The following LINGO1 variants were observed in gnomAD, a reference collection of about 807,000 sequenced individuals.
LINGO1 encodes the protein leucine rich repeat and Ig domain containing 1.
Under a neutral mutation model 37.3 loss-of-function variants are expected in LINGO1, and 11 were observed. The observed-to-expected ratio is 0.29, with a 90% CI of 0.19 to 0.49. The LOEUF is 0.49. Ranked by LOEUF, LINGO1 falls within the 20% of genes least tolerant of loss-of-function variation. The probability of loss-of-function intolerance (pLI) is 0.99; values close to 1 mark genes in which losing one functional copy is unlikely to be tolerated. For missense variants in LINGO1, 585 were observed against 878.2 expected, an observed-to-expected ratio of 0.67 and a Z score of 4.22; for synonymous variants, 387 against 403.0, an observed-to-expected ratio of 0.96 and a Z score of 0.48.
At chr15:77,746,242 G>A (rs1297496626) in intron 1 of LINGO1, among the ~76,000 whole-genome samples, 1 of 150,970 alleles carries the variant, frequency 6.6e-6, no homozygotes, top group Non-Finnish European at 1.5e-5. Context: ...ACTGGGGACA[G>A]GATCAATCAG....
At chr15:77,633,990 G>A (rs542474354), upstream of LINGO1, among the ~76,000 whole-genome samples, 1 of 152,222 alleles carries the variant, frequency 6.6e-6, no homozygotes, top group African/African-American at 2.4e-5. Context: ...GCCCGGCACG[G>A]CCATCCCTCC....
intron 1 of LINGO1, among the ~76,000 whole-genome samples, chr15:77,624,135 CTGTG>C (rs1222228291): frequency 1.8e-5 from 2 of 113,420 alleles, no homozygotes; most frequent in East Asian, 2.8e-4. Flanking sequence ...TGTGTGTGGC[CTGTG>C]TGTGTGATGT....
chr15:77,753,299 C>G lies in LINGO1; in HGVS notation c.-256-18246G>C, dbSNP rs561877128. ...CAGAGACCAGGGCTGTAGGTCAGCTCTAAAGCTAAGCTTCCGTGGGCCCTT... is the reference window on the plus strand; with the variant it reads ...CAGAGACCAGGGCTGTAGGTCAGCTGTAAAGCTAAGCTTCCGTGGGCCCTT... On this transcript the variant is annotated intron_variant, in intron 1 of 3. Coordinates refer to the LINGO1 transcript ENST00000561686. 1.7e-3 allele frequency among the ~76,000 whole-genome samples: 261 copies of G among 152,336 alleles called. 1 individual carries two copies. The South Asian group carries it at 0.018, about 11-fold the overall frequency.
chr15:77,690,512 A>G (rs2075585306), intron 2 of LINGO1, among the ~76,000 whole-genome samples: 3 of 152,272 alleles, frequency 2.0e-5, no homozygotes, highest in African/African-American at 7.2e-5. Flanking sequence ...CCTGAAGCCC[A>G]TCTTACCACT....
chr15:77,673,421 C>T (rs548849824), intron 3 of LINGO1, among the ~76,000 whole-genome samples: 36 of 144,046 alleles, frequency 2.5e-4, no homozygotes, highest in African/African-American at 8.2e-4. Flanking sequence ...CCGCCCCAAT[C>T]GCTGAAACTA....
At chr15:77,676,039 C>T (rs541546324) in intron 3 of LINGO1, among the ~76,000 whole-genome samples, 5 of 152,258 alleles carry the variant, frequency 3.3e-5, no homozygotes, top group Non-Finnish European at 5.9e-5. Context: ...TCAGCCTGGG[C>T]TCCGCTGTCA....
chr15:77,687,440 C>T (rs2075531272), intron 2 of LINGO1, among the ~76,000 whole-genome samples: 2 of 152,164 alleles, frequency 1.3e-5, no homozygotes, highest in Admixed American at 1.3e-4. Context: ...TAACCTGTCC[C>T]CCAGGGGCCA....
intron 2 of LINGO1, among the ~76,000 whole-genome samples, chr15:77,794,591 T>TATA (rs1491171570): frequency 0.031 from 876 of 28,572 alleles, 36 homozygotes; most frequent in African/African-American, 0.042. Context: ...TATATATATA[T>TATA]TTTTTTTTTT....
At chr15:77,620,706 C>T (rs1037521696) in intron 1 of LINGO1, among the ~76,000 whole-genome samples, 1 of 152,210 alleles carries the variant, frequency 6.6e-6, no homozygotes, top group Admixed American at 6.5e-5. Context: ...GAGGCTCAGA[C>T]CCAAAACTGC....
intron 2 of LINGO1, among the ~76,000 whole-genome samples, chr15:77,687,836 G>A (rs1028859731): frequency 6.6e-5 from 10 of 152,168 alleles, no homozygotes; most frequent in South Asian, 2.1e-4. Context: ...ACCTCCTCCC[G>A]TCACAGGGCC....
At chr15:77,698,887 A>C (rs1483488001), upstream of LINGO1, among the ~76,000 whole-genome samples, 1 of 152,152 alleles carries the variant, frequency 6.6e-6, no homozygotes, top group Non-Finnish European at 1.5e-5. Flanking sequence ...AGAGTCCCTG[A>C]GTCCCTGCGG....
intron 1 of LINGO1, among the ~76,000 whole-genome samples, chr15:77,780,367 G>C (rs1357605175): frequency 6.6e-6 from 1 of 152,084 alleles, no homozygotes; most frequent in African/African-American, 2.4e-5. Flanking sequence ...GGCATGGGGA[G>C]AGGCTGGGGT....
Position 77,613,988 on chromosome 15 carries a change from G to T in LINGO1, c.*56C>A. ...AAGGACTGGAGAGTGAGCAGGTGGC[G>T]GCCAGGCCCCTTCCCCTGCCCGGCC... On this transcript the variant is annotated 3_prime_UTR_variant, in exon 2 of 2. Coordinates refer to ENST00000355300, the MANE Select transcript of LINGO1 (RefSeq NM_032808.7). 1.4e-6 allele frequency: 2 copies of T among 1,412,742 alleles called. No homozygotes were observed. The highest frequency in any genetic ancestry group is 1.4e-5 in the African/African-American group (1 of 69,902). The allele number at this position is 1,412,742 out of a possible 1,614,324, so 87.5% of individuals were successfully genotyped here.
intron 1 of LINGO1, among the ~76,000 whole-genome samples, chr15:77,765,022 T>C (rs1052613549): frequency 3.9e-5 from 6 of 152,208 alleles, no homozygotes; most frequent in African/African-American, 1.4e-4. Flanking sequence ...ATCTTTTCTG[T>C]GCATAAATCC....
intron 2 of LINGO1, among the ~76,000 whole-genome samples, chr15:77,714,662 G>A (rs953558393): frequency 8.5e-5 from 13 of 152,212 alleles, no homozygotes; most frequent in African/African-American, 2.9e-4. Context: ...TGCCTGGAGC[G>A]TGGCAGGCAC....
intron 2 of LINGO1, among the ~76,000 whole-genome samples, chr15:77,689,430 T>G (rs2141246805): frequency 6.6e-6 from 1 of 152,314 alleles, no homozygotes; most frequent in East Asian, 1.9e-4. Flanking sequence ...TGCGCTACCC[T>G]GTCCCCCAGC....
At chr15:77,740,616 T>TGGAG (rs2076253277) in intron 1 of LINGO1, among the ~76,000 whole-genome samples, 1 of 152,082 alleles carries the variant, frequency 6.6e-6, no homozygotes. Context: ...AGACAGCAAC[T>TGGAG]GGAAGCACCC....
At chr15:77,784,017 C>T (rs1384048902) in intron 1 of LINGO1, among the ~76,000 whole-genome samples, 4 of 152,342 alleles carry the variant, frequency 2.6e-5, no homozygotes, top group East Asian at 1.9e-4. Flanking sequence ...GACGGTGCTG[C>T]GCCCACCCCA....
At chr15:77,645,926 G>A (rs760024046) in intron 3 of LINGO1, among the ~76,000 whole-genome samples, 7 of 152,244 alleles carry the variant, frequency 4.6e-5, no homozygotes, top group African/African-American at 1.7e-4. Flanking sequence ...GGGGGTGCCA[G>A]GTGGCCTCGG....
Sources: allele counts gnomAD v4.1 joint callset (sites outside exome capture counted in the v4.1 genomes callset), GRCh38; gene constraint gnomAD v4.1.1; transcripts MANE v1.5; gene names NCBI Gene and HGNC (gene_info 2026-07-23, HGNC 2026-07-21).